The following LRMDA variants were observed in gnomAD, a reference collection of about 807,000 sequenced individuals.
LRMDA encodes leucine-rich melanocyte differentiation-associated protein.
LRMDA carries 18 observed loss-of-function variants against 29.8 expected under a neutral mutation model. The observed-to-expected ratio is 0.60, with a 90% CI of 0.42 to 0.90. The LOEUF (loss-of-function observed/expected upper bound fraction) is 0.90. LRMDA is among the 40% of genes least tolerant of loss of function. The pLI is 0.00. For synonymous variants in LRMDA, 125 were observed against 109.4 expected (o/e 1.14, Z -0.89); for missense variants, 273 against 273.9 (o/e 1.00, Z 0.02).
At chr10:75,898,266 A>G (rs1359403620) in intron 2 of LRMDA, among the ~76,000 whole-genome samples, 3 of 152,250 alleles carry the variant, frequency 2.0e-5, no homozygotes, top group Non-Finnish European at 4.4e-5. Context: ...GAAGGAATCC[A>G]TTAGAAGAAC....
chr10:75,871,993 T>A (rs1845119436), intron 2 of LRMDA, among the ~76,000 whole-genome samples: 1 of 152,224 alleles, frequency 6.6e-6, no homozygotes, highest in Non-Finnish European at 1.5e-5. Context: ...CACATGTGCA[T>A]CCATTGAGGC....
intron 5 of LRMDA, among the ~76,000 whole-genome samples, chr10:76,152,489 A>AT (rs759678545): frequency 3.1e-4 from 47 of 152,160 alleles, no homozygotes; most frequent in Admixed American, 5.9e-4. Flanking sequence ...TGCTATTAAT[A>AT]TTTTTTGTAT....
chr10:75,585,963 A>G (rs1452294431), intron 2 of LRMDA, among the ~76,000 whole-genome samples: 2 of 152,198 alleles, frequency 1.3e-5, no homozygotes, highest in African/African-American at 4.8e-5. Context: ...ATTTAGCATA[A>G]TGTCCTCAAG....
At chr10:76,551,365 T>G (rs1843492458) in intron 6 of LRMDA, among the ~76,000 whole-genome samples, 1 of 152,200 alleles carries the variant, frequency 6.6e-6, no homozygotes, top group African/African-American at 2.4e-5. Flanking sequence ...GTCCAGCAAT[T>G]GACATTCCTT....
At chr10:76,134,685 A>G (rs570938076) in intron 5 of LRMDA, among the ~76,000 whole-genome samples, 7 of 152,278 alleles carry the variant, frequency 4.6e-5, no homozygotes, top group South Asian at 2.1e-4. Context: ...TAGTTATATA[A>G]TTTGAGTGAT....
At chr10:75,728,426 CTGTG>C (rs34902461) in intron 2 of LRMDA, among the ~76,000 whole-genome samples, 11,589 of 138,088 alleles carry the variant, frequency 0.084, 453 homozygotes, top group South Asian at 0.16. Flanking sequence ...ATACGTGGCT[CTGTG>C]TGTGTGTGTG....
At position 75,900,783 on chromosome 10, in the gene LRMDA, C is replaced by T. The variant is rs185007797; in HGVS notation, c.132-135225C>T. Among the ~76,000 whole-genome samples, 8 of 152,282 alleles carry T rather than the reference C, an allele frequency of 5.3e-5. No individual in the cohort carries two copies. In the East Asian group the frequency reaches 7.7e-4, roughly 15 times the overall value. Reference sequence around the variant, plus strand: ...TGTTCTTCCTCCATGCCCACCCCCCCACCTTTCTTTTTCTTTTTAAACAAA... The same window carrying T: ...TGTTCTTCCTCCATGCCCACCCCCCTACCTTTCTTTTTCTTTTTAAACAAA... On this transcript the variant is annotated intron_variant, in intron 2 of 6. Transcript: ENST00000611255.
intron 2 of LRMDA, among the ~76,000 whole-genome samples, chr10:75,442,288 T>G (rs1844334984): frequency 6.6e-6 from 1 of 152,246 alleles, no homozygotes; most frequent in Non-Finnish European, 1.5e-5. Flanking sequence ...ACATGAATGA[T>G]CTATTGTCTT....
At chr10:75,998,669 C>T (rs942091) in intron 2 of LRMDA, among the ~76,000 whole-genome samples, 11,115 of 152,270 alleles carry the variant, frequency 0.073, 460 homozygotes, top group South Asian at 0.15. Flanking sequence ...GCCACATAGC[C>T]GGGTGGTGGG....
chr10:76,156,298 G>A (rs1850536880), intron 5 of LRMDA, among the ~76,000 whole-genome samples: 1 of 152,056 alleles, frequency 6.6e-6, no homozygotes, highest in South Asian at 2.1e-4. Context: ...CTGCACCCTG[G>A]GCACTTACAG....
intron 5 of LRMDA, among the ~76,000 whole-genome samples, chr10:76,148,535 T>C (rs1285320835): frequency 6.6e-6 from 1 of 152,118 alleles, no homozygotes; most frequent in Non-Finnish European, 1.5e-5. Flanking sequence ...TTTAAGCCCA[T>C]TGGAAAAGCA....
intron 6 of LRMDA, among the ~76,000 whole-genome samples, chr10:76,406,888 T>TA (rs1408050397): frequency 2.6e-5 from 4 of 152,146 alleles, no homozygotes; most frequent in Non-Finnish European, 2.9e-5. Context: ...TTCAAAGTTT[T>TA]AAAAAAACTC....
intron 6 of LRMDA, among the ~76,000 whole-genome samples, chr10:76,456,201 G>T (rs1315738536): frequency 6.6e-6 from 1 of 152,100 alleles, no homozygotes; most frequent in Admixed American, 6.5e-5. Flanking sequence ...TTTGAGCAAG[G>T]GCCTGGCTTC....
At chr10:75,567,774 T>G (rs1840391033) in intron 2 of LRMDA, among the ~76,000 whole-genome samples, 1 of 152,092 alleles carries the variant, frequency 6.6e-6, no homozygotes, top group Non-Finnish European at 1.5e-5. Context: ...AGAATCATGA[T>G]CCCCCAGTAT....
chr10:75,928,704 T>C (rs1846160245), intron 2 of LRMDA, among the ~76,000 whole-genome samples: 1 of 152,188 alleles, frequency 6.6e-6, no homozygotes, highest in Non-Finnish European at 1.5e-5. Flanking sequence ...TGAGCTGGTA[T>C]AACTAGGTTT....
chr10:75,916,791 T>C (rs571605871), intron 2 of LRMDA, among the ~76,000 whole-genome samples: 3 of 152,290 alleles, frequency 2.0e-5, no homozygotes, highest in South Asian at 4.1e-4. Context: ...CCCTGTCAGC[T>C]TTTTTATTAC....
chr10:76,508,959 AGT>A (rs1419135108), intron 6 of LRMDA, among the ~76,000 whole-genome samples: 1 of 152,132 alleles, frequency 6.6e-6, no homozygotes, highest in East Asian at 1.9e-4. Context: ...AAGCTTTTCC[AGT>A]GTCTCTGAGT....
At chr10:76,503,974 T>G (rs1842936274) in intron 6 of LRMDA, among the ~76,000 whole-genome samples, 1 of 151,710 alleles carries the variant, frequency 6.6e-6, no homozygotes, top group Non-Finnish European at 1.5e-5. Flanking sequence ...CACTATAAAC[T>G]ATCTCCTTTT....
intron 6 of LRMDA, among the ~76,000 whole-genome samples, chr10:76,424,142 G>A (rs1302967164): frequency 6.6e-6 from 1 of 152,122 alleles, no homozygotes; most frequent in Non-Finnish European, 1.5e-5. Flanking sequence ...ACAATTGTCT[G>A]ATAAAAGTGA....
Sources: allele counts gnomAD v4.1 joint callset (sites outside exome capture counted in the v4.1 genomes callset), GRCh38; gene constraint gnomAD v4.1.1; transcripts MANE v1.5; gene names NCBI Gene and HGNC (gene_info 2026-07-23, HGNC 2026-07-21).